The following RBFOX1 variants were observed in gnomAD, a reference collection of about 807,000 sequenced individuals.
The protein encoded by RBFOX1 is RNA binding fox-1 homolog 1.
A neutral mutation model predicts 57.7 loss-of-function variants in RBFOX1; 8 were observed. The observed-to-expected ratio is 0.14, with a 90% CI of 0.08 to 0.25. The LOEUF is 0.25. RBFOX1 is among the 10% of genes least tolerant of loss of function. RBFOX1 has a pLI of 1.00. For missense variants in RBFOX1, 611 were observed against 548.5 expected, an observed-to-expected ratio of 1.11 and a Z score of -1.14; for synonymous variants, 326 against 222.4, an observed-to-expected ratio of 1.47 and a Z score of -4.15.
At chr16:5,267,915 C>T (rs537709632) in intron 1 of RBFOX1, among the ~76,000 whole-genome samples, 1 of 152,052 alleles carries the variant, frequency 6.6e-6, no homozygotes, top group African/African-American at 2.4e-5. Flanking sequence ...AACATCTCTA[C>T]TAAAAATACA....
At chr16:6,816,266 A>C (rs1386044377) in intron 3 of RBFOX1, among the ~76,000 whole-genome samples, 1 of 152,216 alleles carries the variant, frequency 6.6e-6, no homozygotes, top group Non-Finnish European at 1.5e-5. Context: ...CTATGATCAC[A>C]CTATTGCACT....
At position 7,713,324 on chromosome 16, in the gene RBFOX1, C is replaced by T. The variant is rs1334352716; in HGVS notation, c.*2579C>T. 2 of 152,116 alleles carry T rather than the reference C, an allele frequency of 1.3e-5. No homozygotes were observed. Among genetic ancestry groups the T allele is most frequent in the Non-Finnish European group, 2.9e-5 (2 of 68,018 alleles). 9.4% of individuals were successfully genotyped at this position (152,116 alleles called of 1,614,324 possible). A position where few individuals can be genotyped will look rare whatever the true frequency, so the allele number is the denominator to read the frequency against. ...GTTTGTAATATCAAAAAAATAAAAGCTTAGTCTGAAAAGGTACAAGTTGGT... is the reference window on the plus strand; with the variant it reads ...GTTTGTAATATCAAAAAAATAAAAGTTTAGTCTGAAAAGGTACAAGTTGGT... On this transcript the variant is annotated 3_prime_UTR_variant, in exon 16 of 16. Transcript: ENST00000550418.
At chr16:6,117,130 C>T (rs1216146590) in intron 1 of RBFOX1, among the ~76,000 whole-genome samples, 1 of 152,134 alleles carries the variant, frequency 6.6e-6, no homozygotes, top group Admixed American at 6.6e-5. Flanking sequence ...GGCTGAGATG[C>T]TGAGTTCCAT....
chr16:5,726,826 C>A (rs1231371608), intron 3 of RBFOX1, among the ~76,000 whole-genome samples: 1 of 152,168 alleles, frequency 6.6e-6, no homozygotes, highest in Non-Finnish European at 1.5e-5. Context: ...TGAATCTTCT[C>A]CTGTCAGCTT....
At position 6,150,017 on chromosome 16, in the gene RBFOX1, A is replaced by G. The variant is rs2096786641; in HGVS notation, c.-127+130025A>G. Among the ~76,000 whole-genome samples the G allele has an allele frequency of 3.3e-5, 5 of 152,320 alleles. No individual in the cohort carries two copies. The South Asian group carries it at 1.0e-3, about 32-fold the overall frequency. On this transcript the variant is annotated intron_variant, in intron 1 of 15. Transcript: ENST00000550418. ...AAATCATAGCTCCTGAAATGTGAGC[A>G]TTTCTCTGTCAATTCAGCAGATGTA...
chr16:5,384,609 C>T (rs2066210728), intron 1 of RBFOX1, among the ~76,000 whole-genome samples: 1 of 152,118 alleles, frequency 6.6e-6, no homozygotes, highest in African/African-American at 2.4e-5. Flanking sequence ...GATGAGGAGG[C>T]ATTCTAGGTT....
At chr16:6,543,358 A>G (rs996662476) in intron 2 of RBFOX1, among the ~76,000 whole-genome samples, 1 of 152,008 alleles carries the variant, frequency 6.6e-6, no homozygotes. Context: ...ATTTCCACTG[A>G]GTCTCTACTC....
chr16:6,751,273 G>A (rs937167711), intron 3 of RBFOX1, among the ~76,000 whole-genome samples: 1 of 152,180 alleles, frequency 6.6e-6, no homozygotes, highest in African/African-American at 2.4e-5. Context: ...TGGATGGGGA[G>A]TAGGTGGCTA....
chr16:6,847,960 G>C (rs957540313), intron 3 of RBFOX1, among the ~76,000 whole-genome samples: 1 of 151,900 alleles, frequency 6.6e-6, no homozygotes. Context: ...CTCCCAAATA[G>C]CTAAGACTAT....
intron 1 of RBFOX1, among the ~76,000 whole-genome samples, chr16:6,068,286 T>C (rs12149678): frequency 0.23 from 34,311 of 152,100 alleles, 4,915 homozygotes; most frequent in Non-Finnish European, 0.32. Flanking sequence ...TTTTCAGGAA[T>C]GTGGCAGGCC....
At position 7,158,464 on chromosome 16, in the gene RBFOX1, G is replaced by A. The variant is rs747096890; in HGVS notation, c.27+106366G>A. 1.3e-5 allele frequency among the ~76,000 whole-genome samples: 2 copies of A among 152,256 alleles called. 1 individual carries two copies. The highest frequency in any genetic ancestry group is 4.1e-4 in the South Asian group (2 of 4,820). On this transcript the variant is annotated intron_variant, in intron 4 of 15. Transcript: ENST00000550418. ...ATACCACCTACTGATGCAATCTCCTGACCTTTTTCAGATTTCCCTAGTTAA... is the reference window on the plus strand; with the variant it reads ...ATACCACCTACTGATGCAATCTCCTAACCTTTTTCAGATTTCCCTAGTTAA...
At chr16:7,328,349 G>A (rs1276078437) in intron 4 of RBFOX1, among the ~76,000 whole-genome samples, 1 of 151,748 alleles carries the variant, frequency 6.6e-6, no homozygotes, top group Non-Finnish European at 1.5e-5. Flanking sequence ...GTGTGGTGGC[G>A]GATCCCTGTA....
intron 4 of RBFOX1, among the ~76,000 whole-genome samples, chr16:7,455,740 T>C (rs1432191486): frequency 6.7e-6 from 1 of 148,716 alleles, no homozygotes; most frequent in East Asian, 1.9e-4. Context: ...TGAGCCGAGA[T>C]TGTGCCATTG....
chr16:7,439,440 A>G (rs2098748640), intron 4 of RBFOX1, among the ~76,000 whole-genome samples: 2 of 152,060 alleles, frequency 1.3e-5, no homozygotes, highest in South Asian at 4.2e-4. Context: ...TAAGAAGAAA[A>G]CAAATCATTT....
At position 5,391,640 on chromosome 16, in the gene RBFOX1, C is replaced by G. The variant is rs533772078; in HGVS notation, c.220-75576C>G. ...CCTCCTGAAGGCTGTCTGTTCCAGG[C>G]TCTTTCTCTTCCAACTTCAGGAGAG... On this transcript the variant is annotated intron_variant, in intron 1 of 2. Coordinates refer to the RBFOX1 transcript ENST00000585867. 2.4e-4 allele frequency among the ~76,000 whole-genome samples: 36 copies of G among 152,260 alleles called. 1 individual carries two copies. In the East Asian group the frequency reaches 6.4e-3, roughly 27 times the overall value.
chr16:6,941,300 C>T (rs7200531), intron 3 of RBFOX1, among the ~76,000 whole-genome samples: 2,973 of 79,026 alleles, frequency 0.038, 91 homozygotes, highest in African/African-American at 0.085. Flanking sequence ...CCCTCCCTCC[C>T]TCCTTCCTTC....
chr16:5,549,638 G>T (rs2045377122), intron 2 of RBFOX1, among the ~76,000 whole-genome samples: 1 of 152,172 alleles, frequency 6.6e-6, no homozygotes, highest in Non-Finnish European at 1.5e-5. Context: ...TTGGGGCACA[G>T]CATTCAAAAA....
chr16:6,730,082 G>T (rs145209855), intron 3 of RBFOX1, among the ~76,000 whole-genome samples: 5 of 152,116 alleles, frequency 3.3e-5, no homozygotes, highest in Admixed American at 2.0e-4. Context: ...CAGGCTGCCT[G>T]TTAGAAAGAC....
At chr16:5,753,378 G>C (rs1408636737) in intron 3 of RBFOX1, among the ~76,000 whole-genome samples, 1 of 152,082 alleles carries the variant, frequency 6.6e-6, no homozygotes, top group Non-Finnish European at 1.5e-5. Flanking sequence ...TTATTTTACT[G>C]CTTATACTCA....
Sources: gnomAD v4.1 joint callset for allele counts (sites outside exome capture counted in the v4.1 genomes callset) on GRCh38, gnomAD v4.1.1 for gene constraint, MANE v1.5 for transcripts, NCBI Gene and HGNC (gene_info 2026-07-23, HGNC 2026-07-21) for gene names.